Variants in DENND4C observed in about 807,000 individuals in gnomAD.
DENND4C encodes DENN domain-containing protein 4C.
A neutral mutation model predicts 203.0 loss-of-function variants in DENND4C; 108 were observed. The ratio of observed to expected loss-of-function variants is 0.53; its 90% confidence interval spans 0.46 to 0.62. The LOEUF (loss-of-function observed/expected upper bound fraction) is 0.62, where lower values mean the gene tolerates loss of function less well. Among genes scored for constraint, DENND4C ranks in the 20% least tolerant of loss-of-function variants. The pLI, the probability that DENND4C is intolerant of heterozygous loss-of-function variation, is 0.00. For missense variants in DENND4C, 2,481 were observed against 2,301.2 expected (o/e 1.08, Z -1.60); for synonymous variants, 871 against 792.4 (o/e 1.10, Z -1.67).
chr9:19,356,070 C>T (rs1414113537), intron 26 of DENND4C, among the ~76,000 whole-genome samples: 1 of 152,006 alleles, frequency 6.6e-6, no homozygotes. Flanking sequence ...AAATTTCAAG[C>T]TTACAACAAA....
chr9:19,305,839 A>C (rs1839545279), intron 10 of DENND4C, among the ~76,000 whole-genome samples: 1 of 152,198 alleles, frequency 6.6e-6, no homozygotes, highest in Non-Finnish European at 1.5e-5. Context: ...AGCTCAAGAG[A>C]TGATATGCTT....
intron 2 of DENND4C, among the ~76,000 whole-genome samples, chr9:19,283,407 G>C (rs991421901): frequency 6.6e-6 from 1 of 151,916 alleles, no homozygotes; most frequent in Non-Finnish European, 1.5e-5. Flanking sequence ...TTGTAAGTAG[G>C]AATATACTCT....
intron 6 of DENND4C, among the ~76,000 whole-genome samples, chr9:19,296,658 C>A (rs920443177): frequency 6.6e-6 from 1 of 152,156 alleles, no homozygotes; most frequent in Non-Finnish European, 1.5e-5. Flanking sequence ...TTTACTTACT[C>A]CCTTCTTCGC....
chr9:19,294,796 A>G (rs1287053540), intron 5 of DENND4C, among the ~76,000 whole-genome samples: 1 of 152,198 alleles, frequency 6.6e-6, no homozygotes, highest in Non-Finnish European at 1.5e-5. Flanking sequence ...ACAAAAGCAT[A>G]AATTTTGTAT....
intron 7 of DENND4C, 51 bp downstream of exon 7, chr9:19,298,173 G>A (rs1285936836): frequency 2.0e-6 from 3 of 1,512,230 alleles, no homozygotes; most frequent in Non-Finnish European, 2.7e-6. Context: ...GCTCACCTGA[G>A]TCATTGCAGA....
chr9:19,298,143 T>C (rs548326254), intron 7 of DENND4C, 21 bp downstream of exon 7: 2 of 1,600,862 alleles, frequency 1.2e-6, no homozygotes, highest in East Asian at 2.2e-5. Context: ...GAGAGTATAT[T>C]TGGGGAGAAC....
rs942683602 is a variant in DENND4C, at chr9:19,251,179, C to A, written c.-18+20346C>A. Reference sequence around the variant, plus strand: ...CCTCTGAAATCTAGGCGGTGGTTCGCAAACCCTAGTTCTTGACTTCTGTGC... The same window carrying A: ...CCTCTGAAATCTAGGCGGTGGTTCGAAAACCCTAGTTCTTGACTTCTGTGC... On this transcript the variant is annotated intron_variant, in intron 1 of 32. Coordinates refer to ENST00000434457, the MANE Select transcript of DENND4C (RefSeq NM_001330640.2). Among the ~76,000 whole-genome samples, 22 of 152,354 alleles carry A rather than the reference C, an allele frequency of 1.4e-4. 2 individuals are homozygous for A. The highest frequency in any genetic ancestry group is 4.6e-4 in the Admixed American group (7 of 15,302).
chr9:19,245,583 GC>G (rs1824998026), intron 1 of DENND4C, among the ~76,000 whole-genome samples: 2 of 151,768 alleles, frequency 1.3e-5, no homozygotes, highest in Non-Finnish European at 2.9e-5. Context: ...TGGGCCGGGC[GC>G]GGTGGCTCAC....
At chr9:19,344,581 A>C (rs1224624402) in intron 22 of DENND4C, among the ~76,000 whole-genome samples, 1 of 152,138 alleles carries the variant, frequency 6.6e-6, no homozygotes, top group African/African-American at 2.4e-5. Context: ...TGCAGCCTCA[A>C]CTTCCTGGGC....
intron 29 of DENND4C, 72 bp downstream of exon 29, chr9:19,360,561 T>C: frequency 6.4e-7 from 1 of 1,568,824 alleles, no homozygotes; most frequent in Non-Finnish European, 8.7e-7. Context: ...CCTGAAAGTA[T>C]ACAACAGTAG....
At chr9:19,294,120 G>T (rs1836930500) in intron 5 of DENND4C, among the ~76,000 whole-genome samples, 1 of 152,098 alleles carries the variant, frequency 6.6e-6, no homozygotes, top group Non-Finnish European at 1.5e-5. Context: ...GGAGTCTGAG[G>T]TTCAGGGGAG....
intron 23 of DENND4C, 92 bp from the exon 24 acceptor site, chr9:19,350,610 A>G (rs910976013): frequency 1.9e-6 from 2 of 1,067,572 alleles, no homozygotes; most frequent in Non-Finnish European, 2.6e-6. Flanking sequence ...TTTAAGGATT[A>G]TAGAGTTTAA....
intron 10 of DENND4C, among the ~76,000 whole-genome samples, chr9:19,308,019 A>G (rs886304376): frequency 3.9e-5 from 6 of 151,980 alleles, no homozygotes; most frequent in Non-Finnish European, 7.4e-5. Context: ...TTTCTACTTG[A>G]ATAGTTTTCT....
Position 19,276,300 on chromosome 9 carries a change from A to G in DENND4C, c.126A>G (p.Pro42=). 1 of 1,232,116 alleles carries G rather than the reference A, an allele frequency of 8.1e-7. No individual in the cohort carries two copies. Among genetic ancestry groups the G allele is most frequent in the Non-Finnish European group, 1.0e-6 (1 of 987,932 alleles). The allele number at this position is 1,232,116 out of a possible 1,614,324, so 76.3% of individuals were successfully genotyped here. A position where few individuals can be genotyped will look rare whatever the true frequency, so the allele number is the denominator to read the frequency against. Reference sequence around the variant, plus strand: ...CTAAGTCAACTGGACCTAAAGCTCCAATTACAGACATTGCCATTATTATCA... The same window carrying G: ...CTAAGTCAACTGGACCTAAAGCTCCGATTACAGACATTGCCATTATTATCA... ...LDTKSTGPKA[P]ITDIAIIIKS... Residue 42 remains proline, a synonymous_variant, in exon 2 of 33, where the codon CCA becomes CCG. Coordinates refer to ENST00000434457, the MANE Select transcript of DENND4C (RefSeq NM_001330640.2).
intron 23 of DENND4C, 112 bp from the exon 24 acceptor site, chr9:19,350,590 T>G: frequency 1.2e-6 from 1 of 830,938 alleles, no homozygotes; most frequent in Non-Finnish European, 1.8e-6. Context: ...AATGTGGGGA[T>G]GATGATTTGT....
intron 1 of DENND4C, among the ~76,000 whole-genome samples, chr9:19,267,561 G>A (rs975756265): frequency 7.2e-5 from 11 of 151,792 alleles, no homozygotes; most frequent in South Asian, 6.3e-4. Flanking sequence ...TTTAGAGACC[G>A]GTTCTCACTT....
intron 17 of DENND4C, among the ~76,000 whole-genome samples, chr9:19,333,409 G>A (rs1819723750): frequency 6.6e-6 from 1 of 152,106 alleles, no homozygotes; most frequent in African/African-American, 2.4e-5. Flanking sequence ...CCACACAATT[G>A]TTTATTTTAG....
chr9:19,342,601 A>T (rs751269490), intron 21 of DENND4C, 32 bp from the exon 22 acceptor site: 1 of 1,562,674 alleles, frequency 6.4e-7, no homozygotes, highest in South Asian at 1.2e-5. Flanking sequence ...TGGCAAAAGT[A>T]GGAATGATAA....
chr9:19,259,858 C>T (rs113128267), intron 1 of DENND4C, among the ~76,000 whole-genome samples: 110 of 152,250 alleles, frequency 7.2e-4, no homozygotes, highest in African/African-American at 2.6e-3. Context: ...CTTAGGGTTG[C>T]TAAGTTGAAG....
Sources: gnomAD v4.1 joint callset for allele counts (sites outside exome capture counted in the v4.1 genomes callset) on GRCh38, gnomAD v4.1.1 for gene constraint, MANE v1.5 for transcripts, NCBI Gene and HGNC (gene_info 2026-07-23, HGNC 2026-07-21) for gene names.